GPR39: variants seen among roughly 807,000 people sequenced by gnomAD.
The protein encoded by GPR39 is zinc sensing receptor.
In GPR39, 23 loss-of-function variants were observed where a neutral mutation model predicts 18.4. That is an observed-to-expected ratio of 1.25 (90% CI 0.90 to 1.77). The LOEUF is 1.77. Among genes scored for constraint, GPR39 ranks in the 40% most tolerant of loss-of-function variants. GPR39 has a pLI of 0.00. For missense variants in GPR39, 647 were observed against 602.4 expected, an observed-to-expected ratio of 1.07 and a Z score of -0.78; for synonymous variants, 280 against 257.9, an observed-to-expected ratio of 1.09 and a Z score of -0.82.
At chr2:132,589,424 A>G (rs903776030) in intron 1 of GPR39, among the ~76,000 whole-genome samples, 1 of 152,238 alleles carries the variant, frequency 6.6e-6, no homozygotes, top group African/African-American at 2.4e-5. Flanking sequence ...ACTTCTAGGC[A>G]GAGATGTAAT....
chr2:132,422,697 A>G (rs1438446729), intron 1 of GPR39, among the ~76,000 whole-genome samples: 2 of 152,072 alleles, frequency 1.3e-5, no homozygotes, highest in Non-Finnish European at 2.9e-5. Flanking sequence ...CAAATATTTT[A>G]TGTTTATTAC....
At chr2:132,473,029 G>A (rs1681062247) in intron 1 of GPR39, among the ~76,000 whole-genome samples, 3 of 152,012 alleles carry the variant, frequency 2.0e-5, no homozygotes, top group Admixed American at 2.0e-4. Flanking sequence ...AAGTAGCTGG[G>A]CAGCTTGTGC....
intron 1 of GPR39, among the ~76,000 whole-genome samples, chr2:132,591,220 C>T (rs950628067): frequency 7.3e-5 from 10 of 137,520 alleles, no homozygotes; most frequent in East Asian, 2.3e-4. Flanking sequence ...CACTGCAGTC[C>T]GCAGTCCGGC....
intron 1 of GPR39, among the ~76,000 whole-genome samples, chr2:132,605,674 C>A (rs747869771): frequency 6.6e-6 from 1 of 152,060 alleles, no homozygotes; most frequent in East Asian, 1.9e-4. Context: ...TGGGTGAGGA[C>A]GGATGCTATT....
chr2:132,523,812 G>T (rs1679465091), intron 1 of GPR39: 1 of 152,856 alleles, frequency 6.5e-6, no homozygotes, highest in African/African-American at 2.4e-5. Context: ...GGGTATATGA[G>T]TAGCCGTGCT....
Position 132,605,843 on chromosome 2 carries a change from G to C in GPR39, c.857-39258G>C, listed in dbSNP as rs190605084. Reference sequence around the variant, plus strand: ...AGAGGCCAAAGGGAGACCATTCCTTGAGTGAAATTGAATTTTGTTAGAGTT... The same window carrying C: ...AGAGGCCAAAGGGAGACCATTCCTTCAGTGAAATTGAATTTTGTTAGAGTT... On this transcript the variant is annotated intron_variant, in intron 1 of 1. Transcript: ENST00000329321. 1.0e-3 allele frequency among the ~76,000 whole-genome samples: 159 copies of C among 152,308 alleles called. 3 individuals carry two copies. In the South Asian group the frequency reaches 0.011, roughly 10 times the overall value.
chr2:132,437,025 G>A (rs1039552984), intron 1 of GPR39, among the ~76,000 whole-genome samples: 2 of 152,192 alleles, frequency 1.3e-5, no homozygotes, highest in African/African-American at 4.8e-5. Flanking sequence ...AACACGGAGA[G>A]TTTAAGGAAC....
intron 1 of GPR39, among the ~76,000 whole-genome samples, chr2:132,511,883 G>GCTATCTGACTC (rs11267146): frequency 0.94 from 142,760 of 152,104 alleles, 67,626 homozygotes; most frequent in Non-Finnish European, 1. Context: ...TCAAGTCCAG[G>GCTATCTGACTC]CAGACTCTAT....
chr2:132,484,187 C>T (rs958563763), intron 1 of GPR39, among the ~76,000 whole-genome samples: 1 of 152,194 alleles, frequency 6.6e-6, no homozygotes, highest in Admixed American at 6.5e-5. Context: ...ATGTGGCTGG[C>T]ACCAAGGGCC....
intron 1 of GPR39, among the ~76,000 whole-genome samples, chr2:132,526,241 C>T (rs1040014343): frequency 2.6e-5 from 4 of 152,138 alleles, no homozygotes; most frequent in Non-Finnish European, 5.9e-5. Flanking sequence ...CACTGTATCA[C>T]CTTACTAAAA....
At chr2:132,506,938 T>A (rs1304025955) in intron 1 of GPR39, among the ~76,000 whole-genome samples, 1 of 152,166 alleles carries the variant, frequency 6.6e-6, no homozygotes, top group Non-Finnish European at 1.5e-5. Flanking sequence ...GATAACCACT[T>A]GATAGTTTCA....
At chr2:132,617,810 T>C (rs1354371009) in intron 1 of GPR39, among the ~76,000 whole-genome samples, 1 of 152,214 alleles carries the variant, frequency 6.6e-6, no homozygotes, top group Non-Finnish European at 1.5e-5. Flanking sequence ...GCCACACAGC[T>C]TAGTTTGCAG....
At position 132,535,864 on chromosome 2, in the gene GPR39, T is replaced by C. The variant is rs893117540; in HGVS notation, c.857-109237T>C. On this transcript the variant is annotated intron_variant, in intron 1 of 1. Transcript: ENST00000329321. ...TAGTTTATTTGTGTAGAGGTGTTTATGGTATTCTCTGCTGGTAGTTTGTAT... is the reference window on the plus strand; with the variant it reads ...TAGTTTATTTGTGTAGAGGTGTTTACGGTATTCTCTGCTGGTAGTTTGTAT... Among the ~76,000 whole-genome samples, 6 of 152,052 alleles carry C rather than the reference T, an allele frequency of 3.9e-5. No homozygotes were observed. The South Asian group carries it at 1.0e-3, about 26-fold the overall frequency.
chr2:132,588,402 C>T (rs1388133224), intron 1 of GPR39, among the ~76,000 whole-genome samples: 4 of 152,194 alleles, frequency 2.6e-5, no homozygotes, highest in African/African-American at 9.6e-5. Context: ...TTATTATGCT[C>T]ATCATTTCTG....
chr2:132,624,352 A>G (rs1681505259), intron 1 of GPR39, among the ~76,000 whole-genome samples: 1 of 152,216 alleles, frequency 6.6e-6, no homozygotes, highest in African/African-American at 2.4e-5. Context: ...CTATCTCCAA[A>G]TACAGTAACA....
At chr2:132,549,851 G>A (rs1236145639) in intron 1 of GPR39, among the ~76,000 whole-genome samples, 2 of 152,142 alleles carry the variant, frequency 1.3e-5, no homozygotes, top group Non-Finnish European at 2.9e-5. Context: ...ATAACGAATG[G>A]CCTAGAACAT....
At chr2:132,435,042 C>T (rs531828261) in intron 1 of GPR39, among the ~76,000 whole-genome samples, 19 of 152,192 alleles carry the variant, frequency 1.2e-4, no homozygotes, top group East Asian at 9.7e-4. Flanking sequence ...TCTAATTATT[C>T]GAGACTCTTT....
intron 1 of GPR39, among the ~76,000 whole-genome samples, chr2:132,475,879 T>A (rs1216883263): frequency 1.3e-5 from 2 of 152,144 alleles, no homozygotes; most frequent in East Asian, 3.8e-4. Context: ...CACACTCCCA[T>A]CCTCATAGTT....
In GPR39 at chr2:132,417,706, T is replaced by A; in HGVS notation, c.664T>A (p.Ser222Thr). ...CTCCAGCCGCTGGACCGTGTTCCAG[T>A]CCAGCATCTTCGGCGCCTTCGTGGT... ...NLSSRWTVFQ[S>T]SIFGAFVVYL... The change falls in exon 1 of 2, where the codon TCC becomes ACC. Residue 222 changes from serine to threonine, a missense_variant. Transcript: ENST00000329321. The A allele has an allele frequency of 6.2e-7, 1 of 1,614,142 alleles. No homozygotes were observed. The highest frequency in any genetic ancestry group is 1.1e-5 in the South Asian group (1 of 91,080).
Sources: allele counts gnomAD v4.1 joint callset (sites outside exome capture counted in the v4.1 genomes callset), GRCh38; gene constraint gnomAD v4.1.1; transcripts MANE v1.5; gene names NCBI Gene and HGNC (gene_info 2026-07-23, HGNC 2026-07-21).